The following LRRC28 variants were observed in gnomAD, a reference collection of about 807,000 sequenced individuals.
The protein encoded by LRRC28 is leucine rich repeat containing 28, also known as leucine-rich repeat-containing protein 28.
LRRC28 carries 39 observed loss-of-function variants against 45.7 expected under a neutral mutation model. The observed-to-expected ratio is 0.85, with a 90% confidence interval of 0.66 to 1.12. The LOEUF is 1.12. Ranked by LOEUF, LRRC28 falls within the 50% of genes most tolerant of loss-of-function variation. LRRC28 has a pLI of 0.00. For missense variants in LRRC28, 435 were observed against 438.5 expected (o/e 0.99, Z 0.07); for synonymous variants, 206 against 178.8 (o/e 1.15, Z -1.22).
Position 99,259,688 on chromosome 15 carries a change from C to T in LRRC28, c.168+3563C>T, listed in dbSNP as rs201184215. 1.4e-4 allele frequency: 193 copies of T among 1,383,828 alleles called. 1 individual carries two copies. Among genetic ancestry groups the T allele is most frequent in the Admixed American group, 6.7e-5 (4 of 59,698 alleles). The allele number at this position is 1,383,828 out of a possible 1,614,324, so 85.7% of individuals were successfully genotyped here. A position where few individuals can be genotyped will look rare whatever the true frequency, so the allele number is the denominator to read the frequency against. On this transcript the variant is annotated intron_variant, in intron 2 of 9. Transcript: ENST00000301981. ...AACATTTGAAATTAATCCCAGACATCCGCTGATCAGAGACATGCTTCGACG... is the reference window on the plus strand; with the variant it reads ...AACATTTGAAATTAATCCCAGACATTCGCTGATCAGAGACATGCTTCGACG...
intron 7 of LRRC28, among the ~76,000 whole-genome samples, chr15:99,358,791 G>T (rs1039570766): frequency 1.3e-5 from 2 of 151,932 alleles, no homozygotes; most frequent in African/African-American, 4.8e-5. Context: ...ACATCTACAC[G>T]TAAAGGCCAG....
intron 9 of LRRC28, among the ~76,000 whole-genome samples, chr15:99,366,674 G>T (rs1957349548): frequency 1.3e-5 from 2 of 151,998 alleles, no homozygotes; most frequent in African/African-American, 4.8e-5. Flanking sequence ...TCCACCTCAT[G>T]ACCTCATTTA....
chr15:99,285,566 G>C (rs2081935891), intron 3 of LRRC28: 2 of 843,874 alleles, frequency 2.4e-6, no homozygotes, highest in Non-Finnish European at 3.9e-6. Context: ...TTAGGAGACT[G>C]ACTTAGACTT....
chr15:99,353,106 A>G (rs544850527), intron 7 of LRRC28, among the ~76,000 whole-genome samples: 4 of 152,260 alleles, frequency 2.6e-5, no homozygotes, highest in African/African-American at 2.4e-5. Flanking sequence ...TTCTCCTTCT[A>G]CAACGCTGGC....
intron 3 of LRRC28, among the ~76,000 whole-genome samples, chr15:99,284,450 C>T (rs1313925844): frequency 2.0e-5 from 3 of 152,172 alleles, no homozygotes; most frequent in African/African-American, 7.2e-5. Context: ...ATACAGTCCT[C>T]GAGTTTTTTG....
intron 5 of LRRC28, chr15:99,333,516 C>G (rs2152293671): frequency 5.3e-6 from 1 of 187,764 alleles, no homozygotes; most frequent in Non-Finnish European, 1.1e-5. Flanking sequence ...CATAAATCTC[C>G]TATTTTCTTC....
intron 2 of LRRC28, among the ~76,000 whole-genome samples, chr15:99,275,103 A>G (rs2081581666): frequency 6.6e-6 from 1 of 151,502 alleles, no homozygotes; most frequent in Admixed American, 6.6e-5. Flanking sequence ...TGTGTGAGAG[A>G]AAGAGAGAGA....
chr15:99,372,818 A>G (rs1445373843), intron 9 of LRRC28, among the ~76,000 whole-genome samples: 3 of 152,186 alleles, frequency 2.0e-5, no homozygotes, highest in Non-Finnish European at 4.4e-5. Flanking sequence ...CATAAAGGAA[A>G]GAGGTTTAAT....
chr15:99,363,626 G>A (rs1957266731), intron 9 of LRRC28, among the ~76,000 whole-genome samples: 1 of 152,194 alleles, frequency 6.6e-6, no homozygotes, highest in Non-Finnish European at 1.5e-5. Context: ...TTGCTTGGTT[G>A]GTGTTGCTAA....
intron 5 of LRRC28, among the ~76,000 whole-genome samples, chr15:99,315,685 G>C (rs946384269): frequency 6.6e-6 from 1 of 152,134 alleles, no homozygotes; most frequent in Non-Finnish European, 1.5e-5. Context: ...ATATAGAAAG[G>C]TTTGAAGTTG....
rs925363056 is a variant in LRRC28 at position 99,306,270 on chromosome 15, G to A, written c.385+18319G>A. The stretch of plus-strand genomic sequence containing the variant: ...CACGACTGGGCAGGTTTGGTATGCC[G>A]GCACCCTGCCAGGAAGCATGGGTTT... On this transcript the variant is annotated intron_variant, in intron 5 of 9. Transcript: ENST00000301981. Among the ~76,000 whole-genome samples the A allele has an allele frequency of 3.3e-5, 5 of 152,254 alleles. No individual in the cohort carries two copies. In the South Asian group the frequency reaches 6.2e-4, roughly 19 times the overall value.
intron 2 of LRRC28, among the ~76,000 whole-genome samples, chr15:99,256,775 T>C (rs747596285): frequency 1.3e-5 from 2 of 152,256 alleles, no homozygotes; most frequent in African/African-American, 2.4e-5. Context: ...TGAATTGTAT[T>C]ACATATAAGA....
chr15:99,291,044 A>G (rs1447938714), intron 5 of LRRC28, among the ~76,000 whole-genome samples: 1 of 152,230 alleles, frequency 6.6e-6, no homozygotes, highest in Admixed American at 6.5e-5. Context: ...CCTGTAATAT[A>G]AAAACATGAT....
At chr15:99,327,567 G>A (rs1326908713) in intron 5 of LRRC28, among the ~76,000 whole-genome samples, 1 of 151,950 alleles carries the variant, frequency 6.6e-6, no homozygotes, top group Non-Finnish European at 1.5e-5. Flanking sequence ...TTTGTTCCTA[G>A]TTTTCCTAAT....
At chr15:99,359,271 CAA>C (rs781512943) in intron 7 of LRRC28, among the ~76,000 whole-genome samples, 4 of 152,068 alleles carry the variant, frequency 2.6e-5, no homozygotes, top group Non-Finnish European at 5.9e-5. Flanking sequence ...AGTTAAAAGA[CAA>C]AAACATTTTT....
rs555472126 is a variant in LRRC28, at chr15:99,292,143, T to A, written c.385+4192T>A. On this transcript the variant is annotated intron_variant, in intron 5 of 9. Transcript: ENST00000301981. ...CTGTAAAGGTTGACTGTCATTGCCCTGTACTCTGTGATGGTGGGTCTTGCC... is the reference window on the plus strand; with the variant it reads ...CTGTAAAGGTTGACTGTCATTGCCCAGTACTCTGTGATGGTGGGTCTTGCC... 1.4e-4 allele frequency among the ~76,000 whole-genome samples: 22 copies of A among 152,318 alleles called. No homozygotes were observed. The East Asian group carries it at 2.7e-3, about 19-fold the overall frequency.
intron 7 of LRRC28, among the ~76,000 whole-genome samples, chr15:99,356,034 CTG>C (rs2152320371): frequency 6.6e-6 from 1 of 152,336 alleles, no homozygotes; most frequent in South Asian, 2.1e-4. Context: ...GTGATTGAAA[CTG>C]TCATTTAAGA....
intron 3 of LRRC28, chr15:99,285,031 G>A (rs149675931): frequency 1.5e-6 from 1 of 652,682 alleles, no homozygotes; most frequent in African/African-American, 1.8e-5. Flanking sequence ...GCCATCTCTT[G>A]GCTTTGATGG....
chr15:99,366,540 G>A (rs1351446416), intron 9 of LRRC28, among the ~76,000 whole-genome samples: 1 of 152,030 alleles, frequency 6.6e-6, no homozygotes, highest in African/African-American at 2.4e-5. Context: ...GAAATCAAGG[G>A]GTCAGCATGG....
Sources: allele counts gnomAD v4.1 joint callset (sites outside exome capture counted in the v4.1 genomes callset), GRCh38; gene constraint gnomAD v4.1.1; transcripts MANE v1.5; gene names NCBI Gene and HGNC (gene_info 2026-07-23, HGNC 2026-07-21).